Variants in PTH1R observed in about 807,000 individuals in gnomAD.
PTH1R encodes parathyroid hormone/parathyroid hormone-related peptide receptor.
Under a neutral mutation model 70.7 loss-of-function variants are expected in PTH1R, and 32 were observed. That is an observed-to-expected ratio of 0.45 (90% confidence interval 0.34 to 0.61). The LOEUF is 0.61. Ranked by LOEUF, PTH1R falls within the 20% of genes least tolerant of loss-of-function variation. PTH1R has a pLI of 0.01. For missense variants in PTH1R, 626 were observed against 792.5 expected, an observed-to-expected ratio of 0.79 and a Z score of 2.52; for synonymous variants, 329 against 324.8, an observed-to-expected ratio of 1.01 and a Z score of -0.14.
At chr3:46,889,000 C>G (rs1368101099) in intron 3 of PTH1R, among the ~76,000 whole-genome samples, 1 of 152,278 alleles carries the variant, frequency 6.6e-6, no homozygotes, top group East Asian at 1.9e-4. Flanking sequence ...CGGGGCAGGA[C>G]GAGGAGCCTG....
At position 46,903,092 on chromosome 3, in the gene PTH1R, G is replaced by A. The variant is rs2032227001; in HGVS notation, c.1396-178G>A. 5.7e-6 allele frequency: 7 copies of A among 1,230,838 alleles called. No homozygotes were observed. Among genetic ancestry groups the A allele is most frequent in the South Asian group, 2.6e-5 (2 of 76,572 alleles). 76.2% of individuals were successfully genotyped at this position (1,230,838 alleles called of 1,614,324 possible). On this transcript the variant is annotated intron_variant, in intron 15 of 15. Transcript: ENST00000449590. The surrounding 1 kb of genome is among the most constrained non-coding windows in gnomAD (Gnocchi z 4.4). ...GCAATTTGAGCCTTGTAGATTCTGG[G>A]TGTGTCGGCTGCCTGTAGCCAAACA...
At chr3:46,888,391 G>A (rs1575512006) in intron 3 of PTH1R, among the ~76,000 whole-genome samples, 1 of 152,244 alleles carries the variant, frequency 6.6e-6, no homozygotes, top group Admixed American at 6.5e-5. Flanking sequence ...AGGAACTGGG[G>A]TTTTCTTCGG....
rs745586470 is a variant in PTH1R at position 46,902,817 on chromosome 3, G to A, written c.1395+27G>A. On this transcript the variant is annotated intron_variant, in intron 15 of 15. Transcript: ENST00000449590. This position sits in a 1 kb window ranked among gnomAD's most constrained non-coding sequence, Gnocchi z 5.4. ...TAAGCAGGAGACAGTGTTGGCATAG[G>A]GCAGGGTGGGGCAGATACCCCAGAG... 3.1e-6 allele frequency: 5 copies of A among 1,612,916 alleles called. No homozygotes were observed. Among genetic ancestry groups the A allele is most frequent in the Non-Finnish European group, 4.2e-6 (5 of 1,179,688 alleles).
chr3:46,895,788 C>T lies in PTH1R; in HGVS notation c.232C>T (p.Pro78Ser), dbSNP rs780466402. The change falls in exon 5 of 16, where the codon CCC (proline) becomes TCC (serine). Residue 78 changes from proline (P) to serine (S), a missense_variant. By Grantham distance (74) the Pro-to-Ser change is moderately conservative (BLOSUM62 -1). Coordinates refer to ENST00000449590, the MANE Select transcript of PTH1R (RefSeq NM_000316.3). ...GWTSASTSGK[P>S]RKDKASGKLY... ...GACATCTGCGTCCACATCAGGGAAGCCCAGGAAAGATAAGGCATCTGGGAA... is the reference window on the plus strand; with the variant it reads ...GACATCTGCGTCCACATCAGGGAAGTCCAGGAAAGATAAGGCATCTGGGAA... The T allele has an allele frequency of 6.2e-7, 1 of 1,614,150 alleles. No homozygotes were observed. The highest frequency in any genetic ancestry group is 8.5e-7 in the Non-Finnish European group (1 of 1,180,042).
chr3:46,895,944 G>A, intron 5 of PTH1R, 75 bp downstream of exon 5: 1 of 1,537,806 alleles, frequency 6.5e-7, no homozygotes, highest in Non-Finnish European at 8.9e-7. Flanking sequence ...TCCCTCTGAT[G>A]TGAGCTCATG....
chr3:46,900,746 CTTA>C (rs2032067789), intron 10 of PTH1R, among the ~76,000 whole-genome samples: 1 of 152,042 alleles, frequency 6.6e-6, no homozygotes, highest in Non-Finnish European at 1.5e-5. Flanking sequence ...TTAGTGATAC[CTTA>C]TTATTATATT....
At position 46,899,462 on chromosome 3, in the gene PTH1R, C is replaced by T. The variant is rs761935210; in HGVS notation, c.988+6C>T. 6.2e-6 allele frequency: 10 copies of T among 1,609,000 alleles called. No individual in the cohort carries two copies. The highest frequency in any genetic ancestry group is 2.2e-5 in the East Asian group (1 of 44,840). On this transcript the variant is annotated splice_donor_region_variant and intron_variant, in intron 10 of 15. Transcript: ENST00000449590. ...CTTCACAGTCTTCGGCTGGGGTACG[C>T]GGGCACAGCGGGTAGCGAGGTGCCG...
Position 46,879,372 on chromosome 3 carries a change from T to C in PTH1R, c.-106+1529T>C, listed in dbSNP as rs1336965764. On this transcript the variant is annotated intron_variant, in intron 1 of 15. Coordinates refer to ENST00000449590, the MANE Select transcript of PTH1R (RefSeq NM_000316.3). This position sits in a 1 kb window ranked among gnomAD's most constrained non-coding sequence, Gnocchi z 4.7. ...GTCCTTCCAATCCCTCCATTAATGTTCTTTTCTCATCACCAAGGGGGAAAG... is the reference window on the plus strand; with the variant it reads ...GTCCTTCCAATCCCTCCATTAATGTCCTTTTCTCATCACCAAGGGGGAAAG... Among the ~76,000 whole-genome samples the C allele has an allele frequency of 6.6e-6, 1 of 152,218 alleles. No individual in the cohort carries two copies. Among genetic ancestry groups the C allele is most frequent in the Non-Finnish European group, 1.5e-5 (1 of 68,038 alleles).
In PTH1R at chr3:46,895,742, A is replaced by G. The variant is rs767840809; in HGVS notation, c.186A>G (p.Ile62Met). ...CCACCCTGGTTTCTCCAGCCAGCAT[A>G]ATGGAATCAGACAAGGGATGGACAT... ...LKEVLQRPAS[I>M]MESDKGWTSA... The change falls in exon 5 of 16, where the codon ATA (isoleucine) becomes ATG (methionine). Residue 62 changes from isoleucine (I) to methionine (M), a missense_variant. Coordinates refer to ENST00000449590, the MANE Select transcript of PTH1R (RefSeq NM_000316.3). 1 of 1,614,008 alleles carries G rather than the reference A, an allele frequency of 6.2e-7. No homozygotes were observed. The highest frequency in any genetic ancestry group is 1.1e-5 in the South Asian group (1 of 91,074).
At position 46,898,934 on chromosome 3, in the gene PTH1R, G is replaced by T. The variant is rs1446997877; in HGVS notation, c.834+77G>T. ...GCCCCGCCCCGCCCCGCTCCAGCCC[G>T]GCCCTCGCCCTGCCCGCCTCCTGCC... On this transcript the variant is annotated intron_variant, in intron 9 of 15. Coordinates refer to ENST00000449590, the MANE Select transcript of PTH1R (RefSeq NM_000316.3). 30 of 1,070,938 alleles carry T rather than the reference G, an allele frequency of 2.8e-5. No individual in the cohort carries two copies. The Middle Eastern group carries it at 1.3e-3, about 46-fold the overall frequency. 66.3% of individuals were successfully genotyped at this position (1,070,938 alleles called of 1,614,324 possible). A position where few individuals can be genotyped will look rare whatever the true frequency, so the allele number is the denominator to read the frequency against.
chr3:46,901,172 C>T lies in PTH1R; in HGVS notation c.1049+87C>T, dbSNP rs2032092892. 3 of 1,482,458 alleles carry T rather than the reference C, an allele frequency of 2.0e-6. No individual in the cohort carries two copies. The highest frequency in any genetic ancestry group is 2.0e-5 in the Admixed American group (1 of 50,914). 91.8% of individuals were successfully genotyped at this position (1,482,458 alleles called of 1,614,324 possible). ...AAGCATGTGAGAGGGCCTCCTGTACCCTGGCCTCAAACGGCCCAGCCTCAG... is the reference window on the plus strand; with the variant it reads ...AAGCATGTGAGAGGGCCTCCTGTACTCTGGCCTCAAACGGCCCAGCCTCAG... On this transcript the variant is annotated intron_variant, in intron 11 of 15. Transcript: ENST00000449590. The surrounding 1 kb of genome is among the most constrained non-coding windows in gnomAD (Gnocchi z 7.3).
In PTH1R at chr3:46,903,778, A is replaced by AAAAAAG. The variant is rs1553643900; in HGVS notation, c.*129_*134dup. The AAAAAAG allele has an allele frequency of 6.7e-7, 1 of 1,501,684 alleles. No individual in the cohort carries two copies. Among genetic ancestry groups the AAAAAAG allele is most frequent in the Non-Finnish European group, 8.9e-7 (1 of 1,119,642 alleles). 93.0% of individuals were successfully genotyped at this position (1,501,684 alleles called of 1,614,324 possible). A position where few individuals can be genotyped will look rare whatever the true frequency, so the allele number is the denominator to read the frequency against. On this transcript the variant is annotated 3_prime_UTR_variant, in exon 16 of 16. Coordinates refer to ENST00000449590, the MANE Select transcript of PTH1R (RefSeq NM_000316.3). This position sits in a 1 kb window ranked among gnomAD's most constrained non-coding sequence, Gnocchi z 4.4. ...AGGAAAAACAGGGAAAAAAAGAAAA[A>AAAAAAG]AAAAAGAAAAAGGAAAAGGAAGCGG... is the stretch of plus-strand genomic sequence containing the variant.
At position 46,901,142 on chromosome 3, in the gene PTH1R, C is replaced by T; in HGVS notation, c.1049+57C>T. On this transcript the variant is annotated intron_variant, in intron 11 of 15. Coordinates refer to ENST00000449590, the MANE Select transcript of PTH1R (RefSeq NM_000316.3). This position sits in a 1 kb window ranked among gnomAD's most constrained non-coding sequence, Gnocchi z 7.3. ...GAAGCACCCCTGGGTCCCTTTTCTT[C>T]CAGGAAGCATGTGAGAGGGCCTCCT... 1 of 1,539,796 alleles carries T rather than the reference C, an allele frequency of 6.5e-7. No homozygotes were observed. Among genetic ancestry groups the T allele is most frequent in the Non-Finnish European group, 8.8e-7 (1 of 1,136,098 alleles).
rs1009505146 is a variant in PTH1R, at chr3:46,884,202, T to G, written c.75+568T>G. On this transcript the variant is annotated intron_variant, in intron 3 of 15. Transcript: ENST00000449590. The surrounding 1 kb of genome is among the most constrained non-coding windows in gnomAD (Gnocchi z 4.8). The stretch of plus-strand genomic sequence containing the variant: ...GTGTGGCATGGAGAAGGGATGGAGT[T>G]CCCTGAAGGAGACTGACCTCACAGT... 3.3e-5 allele frequency among the ~76,000 whole-genome samples: 5 copies of G among 152,022 alleles called. No homozygotes were observed. The highest frequency in any genetic ancestry group is 1.2e-4 in the African/African-American group (5 of 41,370).
chr3:46,901,285 T>C lies in PTH1R; in HGVS notation c.1050-129T>C, dbSNP rs183518785. Reference sequence around the variant, plus strand: ...AGGCCTGTGAGGGAGGCCTCAGGCCTGGCCACACCCAGCACCCCTGCCCTG... The same window carrying C: ...AGGCCTGTGAGGGAGGCCTCAGGCCCGGCCACACCCAGCACCCCTGCCCTG... On this transcript the variant is annotated intron_variant, in intron 11 of 15. Coordinates refer to ENST00000449590, the MANE Select transcript of PTH1R (RefSeq NM_000316.3). The surrounding 1 kb of genome is among the most constrained non-coding windows in gnomAD (Gnocchi z 7.3). 11 of 1,330,136 alleles carry C rather than the reference T, an allele frequency of 8.3e-6. No individual in the cohort carries two copies. The Admixed American group carries it at 2.2e-4, about 26-fold the overall frequency. 82.4% of individuals were successfully genotyped at this position (1,330,136 alleles called of 1,614,324 possible). A position where few individuals can be genotyped will look rare whatever the true frequency, so the allele number is the denominator to read the frequency against.
chr3:46,887,456 GAAAAA>G (rs771034289), intron 3 of PTH1R, among the ~76,000 whole-genome samples: 50 of 63,940 alleles, frequency 7.8e-4, no homozygotes, highest in African/African-American at 2.5e-3. Context: ...CCCTGTCTCT[GAAAAA>G]AAAAAAAAAA....
rs1254437414 is a variant in PTH1R at position 46,896,660 on chromosome 3, A to G, written c.313+791A>G. ...TCACCAAGCCAGGGCGGGTCCAGCC[A>G]TCAAGGCAGCCTTCCAGGGTGGCTG... On this transcript the variant is annotated intron_variant, in intron 5 of 15. Coordinates refer to ENST00000449590, the MANE Select transcript of PTH1R (RefSeq NM_000316.3). This position sits in a 1 kb window ranked among gnomAD's most constrained non-coding sequence, Gnocchi z 4.1. 6.6e-6 allele frequency among the ~76,000 whole-genome samples: 1 copy of G among 152,188 alleles called. No individual in the cohort carries two copies. Among genetic ancestry groups the G allele is most frequent in the Non-Finnish European group, 1.5e-5 (1 of 68,022 alleles).
rs987920318 is a variant in PTH1R at position 46,883,669 on chromosome 3, T to C, written c.75+35T>C. 9 of 1,544,978 alleles carry C rather than the reference T, an allele frequency of 5.8e-6. No homozygotes were observed. Among genetic ancestry groups the C allele is most frequent in the Non-Finnish European group, 7.0e-6 (8 of 1,146,530 alleles). On this transcript the variant is annotated intron_variant, in intron 3 of 15. Transcript: ENST00000449590. This position sits in a 1 kb window ranked among gnomAD's most constrained non-coding sequence, Gnocchi z 6.4. ...CCGCCGCCAACACTCCGGGACAGGC[T>C]GCGGGCTTACCCTAGGGTCCGCGGG... is the stretch of plus-strand genomic sequence containing the variant.
In PTH1R at chr3:46,897,976, C is replaced by T. The variant is rs1394418875; in HGVS notation, c.424+11C>T. On this transcript the variant is annotated intron_variant, in intron 6 of 15. Transcript: ENST00000449590. Reference sequence around the variant, plus strand: ...ACTTCAATCACAAAGGTGAGGCCTGCTGGAAGGGGTGGGGATTACAAGGAG... The same window carrying T: ...ACTTCAATCACAAAGGTGAGGCCTGTTGGAAGGGGTGGGGATTACAAGGAG... 2 of 1,613,720 alleles carry T rather than the reference C, an allele frequency of 1.2e-6. No homozygotes were observed. Among genetic ancestry groups the T allele is most frequent in the Non-Finnish European group, 8.5e-7 (1 of 1,179,758 alleles).
Sources: gnomAD v4.1 joint callset for allele counts (sites outside exome capture counted in the v4.1 genomes callset) on GRCh38, gnomAD v4.1.1 for gene constraint, Gnocchi (gnomAD v3.1) non-coding constraint, MANE v1.5 for transcripts, NCBI Gene and HGNC (gene_info 2026-07-23, HGNC 2026-07-21) for gene names.